The following SAMD5 variants were observed in gnomAD, a reference collection of about 807,000 sequenced individuals.
The protein encoded by SAMD5 is sterile alpha motif domain containing 5.
Under a neutral mutation model 11.3 loss-of-function variants are expected in SAMD5, and 13 were observed. The observed-to-expected ratio is 1.15, with a 90% CI of 0.75 to 1.83. The LOEUF (loss-of-function observed/expected upper bound fraction) is 1.83. Ranked by LOEUF, SAMD5 falls within the 40% of genes most tolerant of loss-of-function variation. The pLI is 0.00. For synonymous variants in SAMD5, 129 were observed against 111.3 expected (o/e 1.16, Z -1.00); for missense variants, 255 against 239.1 (o/e 1.07, Z -0.44).
intron 1 of SAMD5, among the ~76,000 whole-genome samples, chr6:147,581,412 A>C (rs1460053891): frequency 6.6e-6 from 1 of 152,204 alleles, no homozygotes; most frequent in African/African-American, 2.4e-5. Flanking sequence ...TATGCTAATT[A>C]AACCACAGGA....
the SAMD5 span, among the ~76,000 whole-genome samples, chr6:147,842,874 AT>A: frequency 3.9e-5 from 6 of 152,056 alleles, no homozygotes; most frequent in South Asian, 2.1e-4. Flanking sequence ...AATATCACAA[AT>A]TTTTTTTAGA....
chr6:147,531,799 G>A (rs774780319), intron 1 of SAMD5, among the ~76,000 whole-genome samples: 22 of 151,908 alleles, frequency 1.4e-4, no homozygotes, highest in East Asian at 1.9e-4. Context: ...TTATATTTTC[G>A]GTCTAGAAAA....
rs1790286465 is a variant in SAMD5 at position 147,640,019 on chromosome 6, C to T, written c.163-97298C>T. 3.9e-5 allele frequency among the ~76,000 whole-genome samples: 6 copies of T among 152,144 alleles called. No homozygotes were observed. In the South Asian group the frequency reaches 1.2e-3, roughly 32 times the overall value. ...TCAGCTGCCGTCACACACATTATGGCTAAAAAGCTTCATGGTAAAGAATGA... is the reference window on the plus strand; with the variant it reads ...TCAGCTGCCGTCACACACATTATGGTTAAAAAGCTTCATGGTAAAGAATGA... On this transcript the variant is annotated intron_variant, in intron 1 of 1. Transcript: ENST00000566741.
the SAMD5 span, among the ~76,000 whole-genome samples, chr6:147,764,534 G>A: frequency 6.6e-6 from 1 of 152,042 alleles, no homozygotes; most frequent in Non-Finnish European, 1.5e-5. Flanking sequence ...GTTCTCTCAT[G>A]CCCTGATACA....
the SAMD5 span, among the ~76,000 whole-genome samples, chr6:147,796,499 G>A: frequency 6.6e-6 from 1 of 152,150 alleles, no homozygotes; most frequent in Non-Finnish European, 1.5e-5. Context: ...GTCAGGTAGT[G>A]TGATGCCTCC....
chr6:147,668,396 A>G (rs981149542), intron 1 of SAMD5, among the ~76,000 whole-genome samples: 2 of 152,200 alleles, frequency 1.3e-5, no homozygotes, highest in Non-Finnish European at 2.9e-5. Context: ...ATAATGATTG[A>G]CAAGTAATTT....
At chr6:147,730,410 T>C in intron 1 of SAMD5, among the ~76,000 whole-genome samples, 1 of 152,152 alleles carries the variant, frequency 6.6e-6, no homozygotes, top group Non-Finnish European at 1.5e-5. Context: ...AGATAAGCTG[T>C]AAGTACTTGG....
the SAMD5 span, among the ~76,000 whole-genome samples, chr6:147,877,923 C>CTAGCTAGCTAGATAGA: frequency 1.6e-5 from 2 of 122,370 alleles, no homozygotes; most frequent in East Asian, 2.2e-4. Context: ...AGCTAGCTAG[C>CTAGCTAGCTAGATAGA]TAGATAGATA....
the SAMD5 span, among the ~76,000 whole-genome samples, chr6:147,908,238 T>C: frequency 6.6e-6 from 1 of 152,212 alleles, no homozygotes; most frequent in Non-Finnish European, 1.5e-5. Flanking sequence ...ATTTAGCAGC[T>C]ACTTGTTTCA....
chr6:147,575,877 A>T (rs1235172316), intron 1 of SAMD5, among the ~76,000 whole-genome samples: 1 of 152,202 alleles, frequency 6.6e-6, no homozygotes. Context: ...CATTATTTAG[A>T]CATATTTTAT....
the SAMD5 span, among the ~76,000 whole-genome samples, chr6:147,896,738 C>CAAAAAAAAAAAAAAAA: frequency 3.6e-5 from 2 of 55,320 alleles, no homozygotes; most frequent in African/African-American, 7.2e-5. Context: ...GAACATTAAC[C>CAAAAAAAAAAAAAAAA]AAAAAAAAAA....
At chr6:147,901,385 G>A in the SAMD5 span, among the ~76,000 whole-genome samples, 1 of 152,160 alleles carries the variant, frequency 6.6e-6, no homozygotes, top group Non-Finnish European at 1.5e-5. Flanking sequence ...GAGTTCATCA[G>A]GTGTCATTCT....
the SAMD5 span, among the ~76,000 whole-genome samples, chr6:147,870,318 A>G: frequency 6.6e-6 from 1 of 152,048 alleles, no homozygotes; most frequent in African/African-American, 2.4e-5. Context: ...GCATGAGCTT[A>G]GTATTCTCAG....
the SAMD5 span, among the ~76,000 whole-genome samples, chr6:147,915,089 T>C: frequency 6.6e-6 from 1 of 152,190 alleles, no homozygotes; most frequent in Non-Finnish European, 1.5e-5. Flanking sequence ...AAGGACATTA[T>C]TGAGTCAATT....
the SAMD5 span, among the ~76,000 whole-genome samples, chr6:147,818,705 C>T: frequency 6.6e-6 from 1 of 152,118 alleles, no homozygotes; most frequent in Non-Finnish European, 1.5e-5. Flanking sequence ...CGCCAATGGC[C>T]CGGACCTGTC....
intron 1 of SAMD5, among the ~76,000 whole-genome samples, chr6:147,593,776 A>G (rs1281552277): frequency 6.6e-6 from 1 of 152,140 alleles, no homozygotes; most frequent in Non-Finnish European, 1.5e-5. Context: ...TAGAGGACAC[A>G]TCCATTGTAG....
rs1289569304 is a variant in SAMD5 at position 147,686,930 on chromosome 6, C to T, written c.163-50387C>T. ...TAAGTTCTGGGATACATGTGCCGAA[C>T]GTGCAGTTTTGTTACATAGGTATAT... On this transcript the variant is annotated intron_variant, in intron 1 of 1. Transcript: ENST00000566741. Among the ~76,000 whole-genome samples, 7 of 152,110 alleles carry T rather than the reference C, an allele frequency of 4.6e-5. No homozygotes were observed. In the East Asian group the frequency reaches 7.7e-4, roughly 17 times the overall value.
At chr6:147,553,276 T>C (rs1788802347) in intron 1 of SAMD5, among the ~76,000 whole-genome samples, 1 of 152,214 alleles carries the variant, frequency 6.6e-6, no homozygotes, top group African/African-American at 2.4e-5. Flanking sequence ...ATGGCAGAGC[T>C]GGACTTTGAA....
chr6:147,744,522 G>A, the SAMD5 span, among the ~76,000 whole-genome samples: 712 of 152,194 alleles, frequency 4.7e-3, 1 homozygote, highest in East Asian at 0.015. Context: ...AAATTGTATC[G>A]GTGAAAACAA....
Sources: gnomAD v4.1 joint callset for allele counts (sites outside exome capture counted in the v4.1 genomes callset) on GRCh38, gnomAD v4.1.1 for gene constraint, MANE v1.5 for transcripts, NCBI Gene and HGNC (gene_info 2026-07-23, HGNC 2026-07-21) for gene names.